The following IL7 variants were observed in gnomAD, a reference collection of about 807,000 sequenced individuals.
The protein encoded by IL7 is interleukin 7, also known as interleukin-7.
IL7 carries 3 observed loss-of-function variants against 21.6 expected under a neutral mutation model. The observed-to-expected ratio is 0.14, with a 90% CI of 0.06 to 0.36. The LOEUF (loss-of-function observed/expected upper bound fraction) is 0.36. Among genes scored for constraint, IL7 ranks in the 10% least tolerant of loss-of-function variants. IL7 has a pLI of 1.00. For missense variants in IL7, 175 were observed against 200.2 expected (o/e 0.87, Z 0.76); for synonymous variants, 62 against 68.1 (o/e 0.91, Z 0.44).
At chr8:78,723,527 A>C (rs1811285550) in intron 3 of IL7, among the ~76,000 whole-genome samples, 1 of 152,032 alleles carries the variant, frequency 6.6e-6, no homozygotes, top group African/African-American at 2.4e-5. Flanking sequence ...ATTAATATTA[A>C]CTATATACTG....
At chr8:78,804,535 G>C (rs1021503534) in intron 1 of IL7, among the ~76,000 whole-genome samples, 5 of 152,208 alleles carry the variant, frequency 3.3e-5, no homozygotes, top group Non-Finnish European at 7.3e-5. Context: ...CCGCCTGCGT[G>C]AGTAACTTGG....
intron 2 of IL7, among the ~76,000 whole-genome samples, chr8:78,764,774 C>A (rs1313523740): frequency 6.6e-6 from 1 of 151,978 alleles, no homozygotes; most frequent in Non-Finnish European, 1.5e-5. Context: ...TGGACAGACT[C>A]AATGCAATTC....
intron 2 of IL7, among the ~76,000 whole-genome samples, chr8:78,773,799 G>C (rs1813043162): frequency 1.3e-5 from 2 of 152,080 alleles, no homozygotes; most frequent in African/African-American, 4.8e-5. Context: ...ACTTTGACTG[G>C]AGAAGCCAAT....
At chr8:78,720,317 A>G (rs1811214949) in intron 5 of IL7, among the ~76,000 whole-genome samples, 2 of 151,820 alleles carry the variant, frequency 1.3e-5, no homozygotes, top group African/African-American at 4.8e-5. Context: ...TGTATTTTAC[A>G]TGGTAAGTAT....
chr8:78,759,427 A>C (rs1016970076), intron 2 of IL7, among the ~76,000 whole-genome samples: 2 of 150,516 alleles, frequency 1.3e-5, no homozygotes, highest in Non-Finnish European at 3.0e-5. Context: ...GAAAAAAAAA[A>C]CCAGACAAAT....
At chr8:78,687,408 A>C (rs1242793153) in intron 3 of IL7, among the ~76,000 whole-genome samples, 1 of 149,282 alleles carries the variant, frequency 6.7e-6, no homozygotes, top group Non-Finnish European at 1.5e-5. Context: ...CTTAGATTTT[A>C]TATGCCATAA....
chr8:78,735,276 C>CTTTTTTTTT, intron 5 of IL7, among the ~76,000 whole-genome samples: 9 of 78,470 alleles, frequency 1.1e-4, no homozygotes, highest in East Asian at 3.7e-4. Context: ...CTTTTCTTTT[C>CTTTTTTTTT]TTTTTTTTTT....
Position 78,761,950 on chromosome 8 carries a change from C to T in IL7, c.148-21868G>A, listed in dbSNP as rs1812575420. Reference sequence around the variant, plus strand: ...ATTTGAGGTATTCTTTGTTTTCCTTCTCTTCAAGGGTTAGAGGTAAAATGT... The same window carrying T: ...ATTTGAGGTATTCTTTGTTTTCCTTTTCTTCAAGGGTTAGAGGTAAAATGT... On this transcript the variant is annotated intron_variant, in intron 2 of 5. Transcript: ENST00000263851. The T allele has an allele frequency of 1.9e-6, 3 of 1,610,680 alleles. No homozygotes were observed. The Admixed American group carries it at 5.0e-5, about 27-fold the overall frequency.
At chr8:78,744,850 G>A (rs943661315) in intron 2 of IL7, among the ~76,000 whole-genome samples, 9 of 152,192 alleles carry the variant, frequency 5.9e-5, no homozygotes, top group Non-Finnish European at 1.3e-4. Flanking sequence ...GCAAAGATTC[G>A]TGGGAAGAGT....
intron 3 of IL7, among the ~76,000 whole-genome samples, chr8:78,698,760 A>C (rs1810511803): frequency 6.6e-6 from 1 of 152,180 alleles, no homozygotes; most frequent in Admixed American, 6.5e-5. Context: ...ACTTCTGGGA[A>C]TTTAGTCTAA....
chr8:78,678,158 A>G (rs1159960415), intron 4 of IL7, among the ~76,000 whole-genome samples: 2 of 152,096 alleles, frequency 1.3e-5, no homozygotes, highest in Admixed American at 6.6e-5. Context: ...CTGATCTCCT[A>G]TCTTATTCTG....
chr8:78,741,301 C>T (rs1418188369), intron 2 of IL7, among the ~76,000 whole-genome samples: 2 of 152,146 alleles, frequency 1.3e-5, no homozygotes, highest in Non-Finnish European at 2.9e-5. Flanking sequence ...TTCACATTGC[C>T]ATTGTACATA....
chr8:78,682,451 A>G (rs924676179), intron 4 of IL7, among the ~76,000 whole-genome samples: 2 of 152,164 alleles, frequency 1.3e-5, no homozygotes, highest in African/African-American at 2.4e-5. Context: ...CACATCTTAC[A>G]TGGCGGCAGA....
intron 2 of IL7, among the ~76,000 whole-genome samples, chr8:78,759,710 A>T (rs982174428): frequency 3.9e-5 from 6 of 152,204 alleles, no homozygotes; most frequent in Non-Finnish European, 7.4e-5. Flanking sequence ...GATTTTTAAC[A>T]TACTTAAAAC....
At chr8:78,790,613 A>G (rs1044229588) in intron 2 of IL7, among the ~76,000 whole-genome samples, 6 of 152,242 alleles carry the variant, frequency 3.9e-5, no homozygotes, top group Non-Finnish European at 8.8e-5. Flanking sequence ...ATGGACTAGT[A>G]CGGGGAAATA....
At chr8:78,782,939 C>T (rs1413491391) in intron 2 of IL7, among the ~76,000 whole-genome samples, 1 of 152,154 alleles carries the variant, frequency 6.6e-6, no homozygotes, top group Non-Finnish European at 1.5e-5. Flanking sequence ...GGTCCGGGTG[C>T]AGCCTAAAGA....
intron 2 of IL7, among the ~76,000 whole-genome samples, chr8:78,778,264 G>C (rs529520434): frequency 6.6e-6 from 1 of 152,088 alleles, no homozygotes; most frequent in South Asian, 2.1e-4. Flanking sequence ...GGCAGGATTC[G>C]AAGCTTTGAC....
intron 3 of IL7, among the ~76,000 whole-genome samples, chr8:78,702,067 CT>C (rs1810623906): frequency 6.6e-6 from 1 of 152,070 alleles, no homozygotes; most frequent in South Asian, 2.1e-4. Context: ...CTTTGTGCAT[CT>C]AGTAGAATTC....
At chr8:78,702,664 T>C (rs978682544) in intron 3 of IL7, among the ~76,000 whole-genome samples, 15 of 152,318 alleles carry the variant, frequency 9.8e-5, no homozygotes, top group African/African-American at 3.4e-4. Context: ...GTTGTTTCTT[T>C]GTACTCTAAG....
Sources: allele counts gnomAD v4.1 joint callset (sites outside exome capture counted in the v4.1 genomes callset), GRCh38; gene constraint gnomAD v4.1.1; transcripts MANE v1.5; gene names NCBI Gene and HGNC (gene_info 2026-07-23, HGNC 2026-07-21).